The following NAV2 variants were observed in gnomAD, a reference collection of about 807,000 sequenced individuals.
NAV2 encodes helicase, APC down-regulated 1.
A neutral mutation model predicts 223.2 loss-of-function variants in NAV2; 54 were observed. The ratio of observed to expected loss-of-function variants is 0.24; its 90% CI spans 0.19 to 0.30. The LOEUF is 0.30. Ranked by LOEUF, NAV2 falls within the 10% of genes least tolerant of loss-of-function variation. The pLI is 1.00. For missense variants in NAV2, 2,806 were observed against 3,147.5 expected, an observed-to-expected ratio of 0.89 and a Z score of 2.60; for synonymous variants, 1,279 against 1,239.3, an observed-to-expected ratio of 1.03 and a Z score of -0.67.
intron 11 of NAV2, among the ~76,000 whole-genome samples, chr11:19,996,609 C>T (rs2153475679): frequency 6.6e-6 from 1 of 152,330 alleles, no homozygotes; most frequent in Admixed American, 6.5e-5. Context: ...TCATGTTGAT[C>T]ACACCAGTTG....
At chr11:19,735,736 G>A (rs2052224450) in intron 1 of NAV2, among the ~76,000 whole-genome samples, 3 of 152,198 alleles carry the variant, frequency 2.0e-5, no homozygotes, top group African/African-American at 7.2e-5. Flanking sequence ...GAGCCCAAGG[G>A]ACCAGAGCCA....
chr11:19,950,137 C>T lies in NAV2; in HGVS notation c.2645+1057C>T, dbSNP rs7482472. Among the ~76,000 whole-genome samples, 300 of 152,324 alleles carry T rather than the reference C, an allele frequency of 2.0e-3. 1 individual carries two copies. Among genetic ancestry groups the T allele is most frequent in the African/African-American group, 6.6e-3 (276 of 41,568 alleles). ...GCCCAGAAGTTCTCCAAGATCTTTT[C>T]CACCTTGAATGTTCTAGCTGTTAAA... On this transcript the variant is annotated intron_variant, in intron 10 of 37. Coordinates refer to ENST00000349880, the MANE Select transcript of NAV2 (RefSeq NM_145117.5).
intron 1 of NAV2, among the ~76,000 whole-genome samples, chr11:19,739,697 T>A (rs921233918): frequency 6.6e-6 from 1 of 152,212 alleles, no homozygotes; most frequent in Admixed American, 6.5e-5. Context: ...TCTTGGCCCC[T>A]ATGGGAATTT....
intron 2 of NAV2, among the ~76,000 whole-genome samples, chr11:19,838,333 G>A (rs1018552193): frequency 2.0e-5 from 3 of 152,100 alleles, no homozygotes; most frequent in African/African-American, 7.2e-5. Context: ...GTGGGAGGGT[G>A]TCAATCACAG....
chr11:20,025,189 G>A (rs1388498564), intron 11 of NAV2, among the ~76,000 whole-genome samples: 1 of 152,192 alleles, frequency 6.6e-6, no homozygotes, highest in East Asian at 1.9e-4. Flanking sequence ...TCCAAAGGGG[G>A]CATTAGTAGT....
chr11:19,782,656 G>A (rs1470899576), intron 1 of NAV2, among the ~76,000 whole-genome samples: 1 of 152,188 alleles, frequency 6.6e-6, no homozygotes, highest in African/African-American at 2.4e-5. Context: ...CCAGCTGCCA[G>A]CCCAGAGATC....
In NAV2 at chr11:19,880,013, A is replaced by T. The variant is rs1232336261; in HGVS notation, c.656A>T (p.Gln219Leu). ...AVSQVAGAPSQCQAGTPQQQV... is the reference protein window; with the variant it reads ...AVSQVAGAPSLCQAGTPQQQV... ...TCCCAGGTGGCCGGGGCCCCCTCCC[A>T]GTGCCAGGCTGGCACCCCTCAGCAG... is the stretch of plus-strand genomic sequence containing the variant. Residue 219 changes from glutamine (Q) to leucine (L), a missense_variant, in exon 5 of 38, where the codon CAG (glutamine) becomes CTG (leucine). Physicochemically the swap from Gln to Leu is moderately radical, Grantham distance 113. Transcript: ENST00000349880. 1.2e-6 allele frequency: 2 copies of T among 1,613,650 alleles called. No homozygotes were observed. The highest frequency in any genetic ancestry group is 2.7e-5 in the African/African-American group (2 of 74,898).
At chr11:20,008,727 T>G (rs1252465876) in intron 11 of NAV2, among the ~76,000 whole-genome samples, 2 of 108,532 alleles carry the variant, frequency 1.8e-5, no homozygotes, top group African/African-American at 3.3e-5. Flanking sequence ...AAATTGAAGT[T>G]CCTCAGACCT....
At chr11:19,741,894 G>A (rs867553311) in intron 1 of NAV2, among the ~76,000 whole-genome samples, 3 of 151,798 alleles carry the variant, frequency 2.0e-5, no homozygotes, top group Admixed American at 6.6e-5. Context: ...TGGGTCATAC[G>A]GCATTTCCAC....
chr11:19,386,141 A>C (rs534177719), intron 1 of NAV2, among the ~76,000 whole-genome samples: 1 of 152,328 alleles, frequency 6.6e-6, no homozygotes, highest in East Asian at 1.9e-4. Context: ...GTACTTTGAC[A>C]TGGCTTTGTT....
chr11:19,935,865 T>TTTTTTTTTTTTTTG lies in NAV2; in HGVS notation c.2033+1598_2033+1599insTTTGTTTTTTTTTT, dbSNP rs1254400464. Among the ~76,000 whole-genome samples, 8 of 116,152 alleles carry TTTTTTTTTTTTTTG rather than the reference T, an allele frequency of 6.9e-5. No homozygotes were observed. The East Asian group carries it at 1.4e-3, about 20-fold the overall frequency. 76.2% of individuals were successfully genotyped at this position (116,152 alleles called of 152,430 possible). ...GTTTTGTTTCTGTTTTTTTTTTTTTTTTTTTTTTTTGAGATGGAGTGTCGC... is the reference window on the plus strand; with the variant it reads ...GTTTTGTTTCTGTTTTTTTTTTTTTTTTTTTTTTTTTTTGTTTTTTTTTTGAGATGGAGTGTCGC... On this transcript the variant is annotated intron_variant, in intron 7 of 37. Transcript: ENST00000349880.
At chr11:19,470,050 C>T (rs2041913744) in intron 1 of NAV2, among the ~76,000 whole-genome samples, 1 of 152,246 alleles carries the variant, frequency 6.6e-6, no homozygotes, top group Non-Finnish European at 1.5e-5. Context: ...TGCAAAGACT[C>T]CCTGCTCCAC....
intron 1 of NAV2, among the ~76,000 whole-genome samples, chr11:19,361,346 T>C (rs1347414918): frequency 6.6e-6 from 1 of 151,962 alleles, no homozygotes; most frequent in East Asian, 1.9e-4. Context: ...TGGACTTGGG[T>C]TCCAATCCCA....
intron 10 of NAV2, among the ~76,000 whole-genome samples, chr11:19,954,756 T>G (rs773675302): frequency 6.6e-6 from 1 of 152,182 alleles, no homozygotes; most frequent in African/African-American, 2.4e-5. Context: ...GGTAGTGACC[T>G]TTCTGTATGC....
At chr11:19,515,504 C>T (rs1037083042) in intron 1 of NAV2, among the ~76,000 whole-genome samples, 22 of 152,282 alleles carry the variant, frequency 1.4e-4, no homozygotes, top group African/African-American at 5.3e-4. Context: ...TAAAATTCTA[C>T]AATTTCAGAA....
intron 1 of NAV2, among the ~76,000 whole-genome samples, chr11:19,819,015 C>T (rs922969553): frequency 2.0e-5 from 3 of 152,204 alleles, no homozygotes; most frequent in Admixed American, 6.5e-5. Context: ...TTACCCAGAT[C>T]TTCCTCCCTC....
At chr11:19,451,272 C>T (rs763865276) in intron 1 of NAV2, among the ~76,000 whole-genome samples, 7 of 152,148 alleles carry the variant, frequency 4.6e-5, no homozygotes, top group Non-Finnish European at 1.0e-4. Flanking sequence ...CTCTGCCCCT[C>T]CCTCATTCTC....
intron 1 of NAV2, among the ~76,000 whole-genome samples, chr11:19,677,688 AGTGATTTT>A (rs1350291790): frequency 1.3e-5 from 2 of 152,200 alleles, no homozygotes; most frequent in Admixed American, 6.5e-5. Context: ...GCCCTGACTG[AGTGATTTT>A]GTGATTGATC....
chr11:19,693,763 A>G (rs2049251255), intron 1 of NAV2, among the ~76,000 whole-genome samples: 1 of 152,146 alleles, frequency 6.6e-6, no homozygotes, highest in African/African-American at 2.4e-5. Context: ...CTGGTGTAAC[A>G]TTGGAGGCCA....
Sources: allele counts gnomAD v4.1 joint callset (sites outside exome capture counted in the v4.1 genomes callset), GRCh38; gene constraint gnomAD v4.1.1; transcripts MANE v1.5; gene names NCBI Gene and HGNC (gene_info 2026-07-23, HGNC 2026-07-21).